Variants in STOX2 observed in about 807,000 individuals in gnomAD.
STOX2 encodes storkhead box 2, also known as storkhead-box protein 2.
In STOX2, 28 loss-of-function variants were observed where a neutral mutation model predicts 60.9. That is an observed-to-expected ratio of 0.46 (90% CI 0.34 to 0.63). The LOEUF is 0.63. Ranked by LOEUF, STOX2 falls within the 30% of genes least tolerant of loss-of-function variation. The probability of loss-of-function intolerance (pLI) is 0.01; values close to 1 mark genes in which losing one functional copy is unlikely to be tolerated. For missense variants in STOX2, 1,024 were observed against 1,187.7 expected, an observed-to-expected ratio of 0.86 and a Z score of 2.03; for synonymous variants, 472 against 463.9, an observed-to-expected ratio of 1.02 and a Z score of -0.22.
chr4:183,874,490 A>G (rs1205565963), intron 1 of STOX2, among the ~76,000 whole-genome samples: 1 of 152,206 alleles, frequency 6.6e-6, no homozygotes, highest in Admixed American at 6.5e-5. Context: ...GAGTCTCAGG[A>G]GGACTGAAGA....
At chr4:183,901,846 G>C (rs1741468333), upstream of STOX2, among the ~76,000 whole-genome samples, 1 of 151,958 alleles carries the variant, frequency 6.6e-6, no homozygotes, top group Non-Finnish European at 1.5e-5. Context: ...TCCCTTATCA[G>C]ATATATGCTT....
Position 183,906,959 on chromosome 4 carries a change from T to A in STOX2, c.166+3T>A, listed in dbSNP as rs1434275108. On this transcript the variant is annotated splice_donor_region_variant and intron_variant, in intron 1 of 3. Transcript: ENST00000308497. ...TTCGCGGGGCTACATGACATCAGGT[T>A]GGTTGGTGACCGCGTTTCTGCCCCC... The A allele has an allele frequency of 3.9e-6, 6 of 1,529,342 alleles. No homozygotes were observed. The highest frequency in any genetic ancestry group is 5.3e-6 in the Non-Finnish European group (6 of 1,132,800). The allele number at this position is 1,529,342 out of a possible 1,614,324, so 94.7% of individuals were successfully genotyped here.
In STOX2 at chr4:183,865,221, C is replaced by T. The variant is rs1740536276; in HGVS notation, c.364+67166C>T. Among the ~76,000 whole-genome samples, 1 of 152,182 alleles carries T rather than the reference C, an allele frequency of 6.6e-6. No homozygotes were observed. Among genetic ancestry groups the T allele is most frequent in the South Asian group, 2.1e-4 (1 of 4,826 alleles). On this transcript the variant is annotated intron_variant, in intron 1 of 2. Transcript: ENST00000513034. The surrounding 1 kb of genome is among the most constrained non-coding windows in gnomAD (Gnocchi z 4.1). Reference sequence around the variant, plus strand: ...TGTTTAATCCTTGTTAGGCTTTGTACACAGCACAAACTCCATTGAATGAAA... The same window carrying T: ...TGTTTAATCCTTGTTAGGCTTTGTATACAGCACAAACTCCATTGAATGAAA...
chr4:183,986,936 C>A lies in STOX2; in HGVS notation c.167-14389C>A, dbSNP rs185004802. Among the ~76,000 whole-genome samples the A allele has an allele frequency of 2.0e-5, 3 of 152,304 alleles. No homozygotes were observed. The East Asian group carries it at 5.8e-4, about 29-fold the overall frequency. On this transcript the variant is annotated intron_variant, in intron 1 of 3. Transcript: ENST00000308497. ...GGGCGCCTTATGAAGAGCTTCAGTG[C>A]ATTTCCCATCTTTGCTGGCACCCCA...
chr4:183,973,724 T>G (rs548853674), intron 1 of STOX2, among the ~76,000 whole-genome samples: 1 of 152,320 alleles, frequency 6.6e-6, no homozygotes, highest in Admixed American at 6.5e-5. Flanking sequence ...GGCCGGGCGC[T>G]GTGGCTCATG....
In STOX2 at chr4:183,908,592, GTT is replaced by G. The variant is rs10671305; in HGVS notation, c.166+1655_166+1656del. ...ATTCAGGCACATTTCCAGGCAGCCAGTTTTTTTTTTTTTTTTTTTTAATCTAT... is the reference window on the plus strand; with the variant it reads ...ATTCAGGCACATTTCCAGGCAGCCAGTTTTTTTTTTTTTTTTTTAATCTAT... On this transcript the variant is annotated intron_variant, in intron 1 of 3. Transcript: ENST00000308497. Among the ~76,000 whole-genome samples, 493 of 126,648 alleles carry G rather than the reference GTT, an allele frequency of 3.9e-3. 2 individuals are homozygous for G. The highest frequency in any genetic ancestry group is 0.013 in the Middle Eastern group (3 of 238). 83.1% of individuals were successfully genotyped at this position (126,648 alleles called of 152,430 possible).
rs561765229 is a variant in STOX2 at position 183,888,242 on chromosome 4, C to A, written c.364+90187C>A. Among the ~76,000 whole-genome samples, 18 of 152,268 alleles carry A rather than the reference C, an allele frequency of 1.2e-4. No homozygotes were observed. In the South Asian group the frequency reaches 3.5e-3, roughly 30 times the overall value. On this transcript the variant is annotated intron_variant, in intron 1 of 2. Transcript: ENST00000513034. ...GCAAGAACCCCTCCTTAGACCCTTCCCCTAAGCATTACTAATAGTAGCTAA... is the reference window on the plus strand; with the variant it reads ...GCAAGAACCCCTCCTTAGACCCTTCACCTAAGCATTACTAATAGTAGCTAA...
At chr4:183,921,701 A>T (rs1272052668) in intron 1 of STOX2, among the ~76,000 whole-genome samples, 1 of 152,272 alleles carries the variant, frequency 6.6e-6, no homozygotes, top group Non-Finnish European at 1.5e-5. Context: ...TCTTTAGAAC[A>T]TTTAAGAACA....
chr4:183,886,039 A>G (rs952063299), intron 1 of STOX2, among the ~76,000 whole-genome samples: 27 of 151,956 alleles, frequency 1.8e-4, no homozygotes, highest in Non-Finnish European at 3.5e-4. Context: ...TGGTTGCTGG[A>G]TGGTGTAGGC....
At chr4:183,869,393 T>A (rs1408320054) in intron 1 of STOX2, among the ~76,000 whole-genome samples, 2 of 152,214 alleles carry the variant, frequency 1.3e-5, no homozygotes, top group South Asian at 2.1e-4. Flanking sequence ...GCTCTTTTTT[T>A]AATATAAGCA....
intron 1 of STOX2, among the ~76,000 whole-genome samples, chr4:183,881,687 A>C (rs752114396): frequency 2.0e-5 from 3 of 152,246 alleles, no homozygotes; most frequent in Admixed American, 6.5e-5. Context: ...GATGATATTT[A>C]GGCAGAAATA....
chr4:183,914,616 T>C (rs1439975100), intron 1 of STOX2, among the ~76,000 whole-genome samples: 1 of 152,154 alleles, frequency 6.6e-6, no homozygotes, highest in Non-Finnish European at 1.5e-5. Context: ...GCGTATAAGT[T>C]GCAGGTCATT....
chr4:183,819,208 G>A (rs1373916930), intron 1 of STOX2, among the ~76,000 whole-genome samples: 1 of 152,110 alleles, frequency 6.6e-6, no homozygotes, highest in Non-Finnish European at 1.5e-5. Flanking sequence ...GGGAGGTGGA[G>A]GTTGTAGAGA....
At chr4:183,898,990 T>C (rs1004938573) in intron 1 of STOX2, among the ~76,000 whole-genome samples, 1 of 152,220 alleles carries the variant, frequency 6.6e-6, no homozygotes, top group African/African-American at 2.4e-5. Context: ...TCCAACAGCA[T>C]GTCCTCACGT....
intron 1 of STOX2, among the ~76,000 whole-genome samples, chr4:183,857,228 T>A (rs1214643731): frequency 2.8e-4 from 42 of 151,562 alleles, no homozygotes; most frequent in Non-Finnish European, 3.0e-5. Flanking sequence ...GGACTGGTTA[T>A]CCCACAGGAC....
chr4:183,922,114 C>T (rs1474712743), intron 1 of STOX2, among the ~76,000 whole-genome samples: 1 of 152,102 alleles, frequency 6.6e-6, no homozygotes, highest in Non-Finnish European at 1.5e-5. Flanking sequence ...CTCTTTAGAG[C>T]AAAGGGTTTT....
rs191277945 is a variant in STOX2, at chr4:183,912,205, C to T, written c.166+5249C>T. On this transcript the variant is annotated intron_variant, in intron 1 of 3. Coordinates refer to ENST00000308497, the MANE Select transcript of STOX2 (RefSeq NM_020225.3). ...CTCTCTTCTGGTTCCATCTATCCTCCTTATGTCCCCAGAGGGCTTTGATGG... is the reference window on the plus strand; with the variant it reads ...CTCTCTTCTGGTTCCATCTATCCTCTTTATGTCCCCAGAGGGCTTTGATGG... Among the ~76,000 whole-genome samples, 26 of 152,298 alleles carry T rather than the reference C, an allele frequency of 1.7e-4. No individual in the cohort carries two copies. In the East Asian group the frequency reaches 4.4e-3, roughly 26 times the overall value.
chr4:183,923,093 G>A (rs1355363081), intron 1 of STOX2, among the ~76,000 whole-genome samples: 1 of 152,196 alleles, frequency 6.6e-6, no homozygotes, highest in Admixed American at 6.5e-5. Flanking sequence ...GCACACAGGT[G>A]TACAAAGAAC....
intron 1 of STOX2, among the ~76,000 whole-genome samples, chr4:183,926,909 A>C (rs1346195875): frequency 6.6e-6 from 1 of 152,380 alleles, no homozygotes; most frequent in East Asian, 1.9e-4. Flanking sequence ...GGCGTGAGCC[A>C]CCGGGCCCGA....
Sources: gnomAD v4.1 joint callset for allele counts (sites outside exome capture counted in the v4.1 genomes callset) on GRCh38, gnomAD v4.1.1 for gene constraint, Gnocchi (gnomAD v3.1) non-coding constraint, MANE v1.5 for transcripts, NCBI Gene and HGNC (gene_info 2026-07-23, HGNC 2026-07-21) for gene names.